VWF: variants seen among roughly 807,000 people sequenced by gnomAD.
VWF encodes the protein Factor VIII related antigen.
VWF carries 176 observed loss-of-function variants against 308.6 expected under a neutral mutation model. The observed-to-expected ratio is 0.57, with a 90% CI of 0.50 to 0.65. VWF has a LOEUF of 0.65. VWF is among the 30% of genes least tolerant of loss of function. VWF has a pLI of 0.00. For missense variants in VWF, 3,146 were observed against 3,648.2 expected (o/e 0.86, Z 3.55); for synonymous variants, 1,385 against 1,443.4 (o/e 0.96, Z 0.92).
chr12:6,044,763 A>T (rs541781387), intron 17 of VWF, among the ~76,000 whole-genome samples: 6 of 152,312 alleles, frequency 3.9e-5, no homozygotes, highest in African/African-American at 1.4e-4. Flanking sequence ...GCATTGCAGA[A>T]ATTTCCAGAC....
At chr12:6,074,829 C>G (rs181770405) in intron 7 of VWF, among the ~76,000 whole-genome samples, 6 of 152,298 alleles carry the variant, frequency 3.9e-5, no homozygotes, top group Non-Finnish European at 8.8e-5. Context: ...AGATGAAACA[C>G]ACAGCACGAG....
At chr12:6,109,623 T>A (rs1329663395) in intron 5 of VWF, among the ~76,000 whole-genome samples, 1 of 152,222 alleles carries the variant, frequency 6.6e-6, no homozygotes, top group Non-Finnish European at 1.5e-5. Context: ...GTAATTGAAA[T>A]TAAAGAAGAT....
rs1041589717 is a variant in VWF at position 6,046,433 on chromosome 12, T to C, written c.2281+290A>G. 3.9e-5 allele frequency among the ~76,000 whole-genome samples: 6 copies of C among 152,176 alleles called. No homozygotes were observed. The highest frequency in any genetic ancestry group is 1.2e-4 in the African/African-American group (5 of 41,436). Reference sequence around the variant, plus strand: ...CTCACAGCTATCCACTGGGTTAAGGTCTCCACGGGCAAAATAGGGGTCTCA... The same window carrying C: ...CTCACAGCTATCCACTGGGTTAAGGCCTCCACGGGCAAAATAGGGGTCTCA... On this transcript the variant is annotated intron_variant, in intron 17 of 51. Coordinates refer to ENST00000261405, the MANE Select transcript of VWF (RefSeq NM_000552.5). The surrounding 1 kb of genome is among the most constrained non-coding windows in gnomAD (Gnocchi z 5.0).
chr12:6,097,160 G>A (rs573560023), intron 5 of VWF, among the ~76,000 whole-genome samples: 4 of 152,240 alleles, frequency 2.6e-5, no homozygotes, highest in African/African-American at 4.8e-5. Context: ...GGTAGAGGCC[G>A]GGCACGGTGG....
At chr12:6,109,123 C>A (rs1388356681) in intron 5 of VWF, among the ~76,000 whole-genome samples, 2 of 151,784 alleles carry the variant, frequency 1.3e-5, no homozygotes, top group Non-Finnish European at 2.9e-5. Flanking sequence ...GTAACACACA[C>A]CTATAATTCC....
chr12:5,995,754 A>G (rs1301501272), intron 35 of VWF, among the ~76,000 whole-genome samples: 1 of 152,190 alleles, frequency 6.6e-6, no homozygotes, highest in Non-Finnish European at 1.5e-5. Context: ...AACTGGCACT[A>G]AATTCACAAT....
At position 6,060,809 on chromosome 12, in the gene VWF, G is replaced by T. The variant is rs1020512036; in HGVS notation, c.1533+2145C>A. The stretch of plus-strand genomic sequence containing the variant: ...CCAAAGAAACCTGAGGGGAGGAAGG[G>T]CAGCTGCCCAGGATGAGAAGTTACG... On this transcript the variant is annotated intron_variant, in intron 13 of 51. Transcript: ENST00000261405. The surrounding 1 kb of genome is among the most constrained non-coding windows in gnomAD (Gnocchi z 5.1). Among the ~76,000 whole-genome samples, 13 of 152,114 alleles carry T rather than the reference G, an allele frequency of 8.5e-5. No homozygotes were observed. Among genetic ancestry groups the T allele is most frequent in the Admixed American group, 7.9e-4 (12 of 15,280 alleles).
intron 10 of VWF, among the ~76,000 whole-genome samples, chr12:6,068,649 TTTTG>T (rs1225111772): frequency 6.6e-6 from 1 of 151,438 alleles, no homozygotes; most frequent in East Asian, 2.0e-4. Context: ...TCTGTGGGTT[TTTTG>T]TTTTTGTTTT....
intron 10 of VWF, among the ~76,000 whole-genome samples, chr12:6,069,944 G>A (rs1944762558): frequency 6.6e-6 from 1 of 152,142 alleles, no homozygotes. Flanking sequence ...TCACCCTATA[G>A]TAAGTACTTG....
At chr12:5,963,628 C>T (rs567684065) in intron 47 of VWF, among the ~76,000 whole-genome samples, 2 of 152,278 alleles carry the variant, frequency 1.3e-5, no homozygotes, top group South Asian at 4.1e-4. Context: ...ACTTGGCACC[C>T]CTACACTCAC....
At chr12:5,977,006 C>T (rs79071309) in intron 42 of VWF, among the ~76,000 whole-genome samples, 11,508 of 152,192 alleles carry the variant, frequency 0.076, 629 homozygotes, top group East Asian at 0.25. Flanking sequence ...CAAAACGGGT[C>T]TCCACCCTGT....
At chr12:6,074,081 T>C (rs1418629664) in intron 7 of VWF, among the ~76,000 whole-genome samples, 1 of 151,974 alleles carries the variant, frequency 6.6e-6, no homozygotes, top group Admixed American at 6.6e-5. Flanking sequence ...TCCTCTAGGC[T>C]CAAAACAAGT....
chr12:6,092,620 T>TGAGAGTGAGAGTGAGAGAGAGA (rs1250915385), intron 6 of VWF, among the ~76,000 whole-genome samples: 3 of 89,668 alleles, frequency 3.3e-5, no homozygotes, highest in Non-Finnish European at 4.2e-5. Flanking sequence ...TGAGTGAGAG[T>TGAGAGTGAGAGTGAGAGAGAGA]GTGTGTGTGT....
In VWF at chr12:6,081,524, C is replaced by T. The variant is rs1030708428; in HGVS notation, c.658-5973G>A. On this transcript the variant is annotated intron_variant, in intron 6 of 51. Transcript: ENST00000261405. ...CCAGCTAATTTTTGTATTTTTAGTA[C>T]AGACGGAGTTTCACCATGTTGGCCA... is the stretch of plus-strand genomic sequence containing the variant. Among the ~76,000 whole-genome samples the T allele has an allele frequency of 5.3e-5, 8 of 152,044 alleles. No individual in the cohort carries two copies. The East Asian group carries it at 1.5e-3, about 29-fold the overall frequency.
Position 5,996,069 on chromosome 12 carries a change from T to A in VWF, c.5996A>T (p.Gln1999Leu), listed in dbSNP as rs751282313. The change falls in exon 35 of 52, where the codon CAG becomes CTG. Residue 1999 changes from glutamine to leucine, a missense_variant. Coordinates refer to ENST00000261405, the MANE Select transcript of VWF (RefSeq NM_000552.5). Reference protein sequence around the residue: ...HNGACSPGARQGCMKSIEVKH... With the variant: ...HNGACSPGARLGCMKSIEVKH... ...CACCTCGATGGATTTCATGCAGCCCTGCCTTGCTCCAGGGCTGCAGGCACC... is the reference window on the plus strand; with the variant it reads ...CACCTCGATGGATTTCATGCAGCCCAGCCTTGCTCCAGGGCTGCAGGCACC... 1 of 1,614,036 alleles carries A rather than the reference T, an allele frequency of 6.2e-7. No individual in the cohort carries two copies.
rs141527890 is a variant in VWF at position 5,953,227 on chromosome 12, A to C, written c.7986+269T>G. On this transcript the variant is annotated intron_variant, in intron 48 of 51. Coordinates refer to ENST00000261405, the MANE Select transcript of VWF (RefSeq NM_000552.5). ...GGCAACAGAGCAAGACTCCATCTCAAGAAAGAAAAAAAAAAGATCAATCAA... is the reference window on the plus strand; with the variant it reads ...GGCAACAGAGCAAGACTCCATCTCACGAAAGAAAAAAAAAAGATCAATCAA... Among the ~76,000 whole-genome samples the C allele has an allele frequency of 5.1e-3, 770 of 152,210 alleles. 9 individuals carry two copies. Among genetic ancestry groups the C allele is most frequent in the African/African-American group, 0.017 (725 of 41,520 alleles).
intron 49 of VWF, chr12:5,952,158 A>G: frequency 1.5e-6 from 1 of 665,868 alleles, no homozygotes; most frequent in Admixed American, 2.7e-5. Context: ...ATTTTATTCA[A>G]GAATCACACA....
intron 8 of VWF, 26 bp downstream of exon 8, chr12:6,073,593 T>C (rs1944804902): frequency 1.2e-6 from 2 of 1,613,874 alleles, no homozygotes; most frequent in African/African-American, 1.3e-5. Flanking sequence ...GTCTCTGATC[T>C]GTAAATAAAG....
intron 47 of VWF, among the ~76,000 whole-genome samples, chr12:5,956,942 C>T (rs1335862533): frequency 1.3e-5 from 2 of 151,984 alleles, no homozygotes; most frequent in African/African-American, 4.8e-5. Context: ...TCGCATTGAC[C>T]CACCACTCAC....
Sources: gnomAD v4.1 joint callset for allele counts (sites outside exome capture counted in the v4.1 genomes callset) on GRCh38, gnomAD v4.1.1 for gene constraint, Gnocchi (gnomAD v3.1) non-coding constraint, MANE v1.5 for transcripts, NCBI Gene and HGNC (gene_info 2026-07-23, HGNC 2026-07-21) for gene names.